The following MPP7 variants were observed in gnomAD, a reference collection of about 807,000 sequenced individuals.
The protein encoded by MPP7 is MAGUK p55 scaffold protein 7.
A neutral mutation model predicts 76.5 loss-of-function variants in MPP7; 60 were observed. The observed-to-expected ratio is 0.78, with a 90% CI of 0.64 to 0.97. The LOEUF (loss-of-function observed/expected upper bound fraction) is 0.97, where lower values mean the gene tolerates loss of function less well. Among genes scored for constraint, MPP7 ranks in the 50% least tolerant of loss-of-function variants. MPP7 has a pLI of 0.00. For synonymous variants in MPP7, 237 were observed against 244.5 expected (o/e 0.97, Z 0.29); for missense variants, 641 against 694.0 (o/e 0.92, Z 0.86).
chr10:28,271,729 A>C (rs1840331952), intron 1 of MPP7, among the ~76,000 whole-genome samples: 1 of 152,186 alleles, frequency 6.6e-6, no homozygotes, highest in African/African-American at 2.4e-5. Flanking sequence ...TAATCCCAGC[A>C]CTTTGGGAGG....
At chr10:28,271,327 A>G (rs144816589) in intron 1 of MPP7, among the ~76,000 whole-genome samples, 1 of 152,340 alleles carries the variant, frequency 6.6e-6, no homozygotes, top group East Asian at 1.9e-4. Flanking sequence ...TTATAATACT[A>G]TCACAGGATT....
chr10:28,246,897 A>C (rs561185291), intron 1 of MPP7, among the ~76,000 whole-genome samples: 4 of 152,238 alleles, frequency 2.6e-5, no homozygotes, highest in Admixed American at 6.5e-5. Flanking sequence ...AAGTTGTCTA[A>C]TGTTTCCCAT....
intron 1 of MPP7, among the ~76,000 whole-genome samples, chr10:28,254,471 A>G (rs1213739026): frequency 6.6e-6 from 1 of 152,214 alleles, no homozygotes; most frequent in Non-Finnish European, 1.5e-5. Flanking sequence ...TCCAACTCTT[A>G]AAACAGTACT....
In MPP7 at chr10:28,300,797, T is replaced by TA. The variant is rs368455784; in HGVS notation, c.-132+2063dup. Among the ~76,000 whole-genome samples the TA allele has an allele frequency of 6.1e-3, 864 of 142,254 alleles. 4 individuals carry two copies. The Middle Eastern group carries it at 0.066, about 11-fold the overall frequency. The allele number at this position is 142,254 out of a possible 152,430, so 93.3% of individuals were successfully genotyped here. ...TGAAACCCCATCTCTACAAAAATAT[T>TA]AAAAAAAAAAAAATAGCTGGGCGTG... On this transcript the variant is annotated intron_variant, in intron 1 of 16. Coordinates refer to ENST00000683449, the MANE Select transcript of MPP7 (RefSeq NM_001318170.2).
At chr10:28,056,719 T>A in intron 15 of MPP7, 96 bp from the exon 16 acceptor site, 1 of 1,035,460 alleles carries the variant, frequency 9.7e-7, no homozygotes, top group Non-Finnish European at 1.4e-6. Context: ...AATTATTCTT[T>A]AAGGTCAGTA....
rs74835070 is a variant in MPP7 at position 28,162,946 on chromosome 10, C to T, written c.157-12887G>A. Among the ~76,000 whole-genome samples the T allele has an allele frequency of 1.7e-3, 257 of 152,214 alleles. 2 individuals are homozygous for T. In the East Asian group the frequency reaches 0.03, roughly 18 times the overall value. ...CTATGACCCTCCTACTTCCCCGTTA[C>T]ACAGAGCTTGTGATTACATTGGTTG... On this transcript the variant is annotated intron_variant, in intron 3 of 16. Transcript: ENST00000683449.
At chr10:28,077,477 C>G (rs1325649705) in intron 12 of MPP7, among the ~76,000 whole-genome samples, 1 of 152,202 alleles carries the variant, frequency 6.6e-6, no homozygotes, top group Non-Finnish European at 1.5e-5. Flanking sequence ...GCCATCCCCA[C>G]TGGAGAAGTT....
chr10:28,118,893 T>A lies in MPP7; in HGVS notation c.952+758A>T, dbSNP rs1044684775. 8 of 985,312 alleles carry A rather than the reference T, an allele frequency of 8.1e-6. No homozygotes were observed. In the Admixed American group the frequency reaches 4.3e-4, roughly 53 times the overall value. The allele number at this position is 985,312 out of a possible 1,614,324, so 61.0% of individuals were successfully genotyped here. A position where few individuals can be genotyped will look rare whatever the true frequency, so the allele number is the denominator to read the frequency against. On this transcript the variant is annotated intron_variant, in intron 11 of 16. Coordinates refer to ENST00000683449, the MANE Select transcript of MPP7 (RefSeq NM_001318170.2). Reference sequence around the variant, plus strand: ...AATTCCAGGGCCATTTATTTGGTCATTTCGCTGTTTAATGTACAGTTTCTA... The same window carrying A: ...AATTCCAGGGCCATTTATTTGGTCAATTCGCTGTTTAATGTACAGTTTCTA...
chr10:28,139,303 TG>T (rs1169803014), intron 5 of MPP7, among the ~76,000 whole-genome samples: 1 of 152,204 alleles, frequency 6.6e-6, no homozygotes, highest in Non-Finnish European at 1.5e-5. Context: ...CACTTGAGCT[TG>T]GGGCATGAAT....
chr10:28,156,798 C>T (rs142675769), intron 3 of MPP7, among the ~76,000 whole-genome samples: 218 of 152,262 alleles, frequency 1.4e-3, no homozygotes, highest in African/African-American at 4.8e-3. Flanking sequence ...TCTGTCTGGA[C>T]GCACCCACAG....
At chr10:28,064,802 G>C (rs891053177) in intron 13 of MPP7, among the ~76,000 whole-genome samples, 1 of 152,166 alleles carries the variant, frequency 6.6e-6, no homozygotes, top group Admixed American at 6.5e-5. Context: ...TGCACCAAGA[G>C]GTAGTGCTAG....
intron 12 of MPP7, among the ~76,000 whole-genome samples, chr10:28,080,189 T>C (rs1441330626): frequency 6.6e-6 from 1 of 152,132 alleles, no homozygotes; most frequent in African/African-American, 2.4e-5. Flanking sequence ...GGGAAGCTTA[T>C]TGAAAGAGCA....
At chr10:28,109,042 T>A (rs1167367169) in intron 11 of MPP7, among the ~76,000 whole-genome samples, 2 of 151,926 alleles carry the variant, frequency 1.3e-5, no homozygotes, top group African/African-American at 4.8e-5. Flanking sequence ...AATCCCAGAA[T>A]TTTGGGAGGC....
chr10:28,056,602 G>C lies in MPP7; in HGVS notation c.1429C>G (p.Leu477Val). 1 of 1,601,808 alleles carries C rather than the reference G, an allele frequency of 6.2e-7. No homozygotes were observed. The highest frequency in any genetic ancestry group is 8.5e-7 in the Non-Finnish European group (1 of 1,177,184). ...AATATCACATAGGGCTTAAATTCTA[G>C]TGTCCTTAAATGCTTCACTGTCTAC... ...QPHTVKHLRT[L>V]EFKPYVIFIK... The change falls in exon 16 of 17, where the codon CTA (leucine) becomes GTA (valine). Residue 477 changes from leucine (L) to valine (V), a missense_variant. Transcript: ENST00000683449.
intron 3 of MPP7, among the ~76,000 whole-genome samples, chr10:28,157,237 G>GAAAAGA: frequency 6.6e-6 from 1 of 152,136 alleles, no homozygotes; most frequent in East Asian, 1.9e-4. Context: ...AAAGGAAAAG[G>GAAAAGA]AAAAGAAAAA....
intron 3 of MPP7, among the ~76,000 whole-genome samples, chr10:28,199,767 T>TTTTA (rs1310644394): frequency 1.3e-5 from 2 of 151,894 alleles, no homozygotes; most frequent in African/African-American, 4.8e-5. Flanking sequence ...CTACTATGCC[T>TTTTA]GGCTAATTTT....
At chr10:28,064,542 C>T (rs969739771) in intron 13 of MPP7, among the ~76,000 whole-genome samples, 1 of 152,166 alleles carries the variant, frequency 6.6e-6, no homozygotes, top group Non-Finnish European at 1.5e-5. Flanking sequence ...CATGTGTACG[C>T]AGATGCTAAA....
intron 1 of MPP7, among the ~76,000 whole-genome samples, chr10:28,244,863 C>T (rs1839382637): frequency 6.6e-6 from 1 of 152,142 alleles, no homozygotes; most frequent in South Asian, 2.1e-4. Context: ...TCTCTGCAAG[C>T]ATAGGTGTAA....
At chr10:28,236,641 G>C (rs534072924) in intron 2 of MPP7, 1 of 151,558 alleles carries the variant, frequency 6.6e-6, no homozygotes, top group Admixed American at 6.6e-5. Flanking sequence ...TTTTTTCTTC[G>C]TGAAATAAGC....
Sources: gnomAD v4.1 joint callset for allele counts (sites outside exome capture counted in the v4.1 genomes callset) on GRCh38, gnomAD v4.1.1 for gene constraint, MANE v1.5 for transcripts, NCBI Gene and HGNC (gene_info 2026-07-23, HGNC 2026-07-21) for gene names.